NSD1: variants seen among roughly 807,000 people sequenced by gnomAD.
NSD1 encodes histone-lysine N-methyltransferase, H3 lysine-36 specific.
Under a neutral mutation model 242.7 loss-of-function variants are expected in NSD1, and 26 were observed. The ratio of observed to expected loss-of-function variants is 0.11; its 90% CI spans 0.08 to 0.15. The LOEUF is 0.15. NSD1 is among the 10% of genes least tolerant of loss of function. The pLI, the probability that NSD1 is intolerant of heterozygous loss-of-function variation, is 1.00. For synonymous variants in NSD1, 1,106 were observed against 1,178.1 expected (o/e 0.94, Z 1.25); for missense variants, 2,495 against 3,272.8 (o/e 0.76, Z 5.80).
chr5:177,212,053 GACA>G lies in NSD1; in HGVS notation c.3655_3657del (p.Thr1219del). ...CAGCAAGCATACTTGAGGAACCACTGACAGAGCAAAATCATGCTGACTGCTTAG... is the reference window on the plus strand; with the variant it reads ...CAGCAAGCATACTTGAGGAACCACTGGAGCAAAATCATGCTGACTGCTTAG... On this transcript the variant is annotated inframe_deletion, in exon 5 of 23. Coordinates refer to ENST00000439151, the MANE Select transcript of NSD1 (RefSeq NM_022455.5). 1 of 1,614,108 alleles carries G rather than the reference GACA, an allele frequency of 6.2e-7. No individual in the cohort carries two copies.
At chr5:177,235,730 G>T (rs1033465894) in intron 5 of NSD1, 91 bp from the exon 6 acceptor site, 3 of 1,532,938 alleles carry the variant, frequency 2.0e-6, no homozygotes, top group Non-Finnish European at 2.7e-6. Flanking sequence ...TTCCCATCTG[G>T]TTACTTTTGG....
At chr5:177,142,884 C>T (rs1362857639) in intron 2 of NSD1, among the ~76,000 whole-genome samples, 3 of 152,112 alleles carry the variant, frequency 2.0e-5, no homozygotes, top group Non-Finnish European at 4.4e-5. Flanking sequence ...GGATCCTGTC[C>T]TGACCTTTCC....
At position 177,210,470 on chromosome 5, in the gene NSD1, G is replaced by A. The variant is rs28932177; in HGVS notation, c.2071G>A (p.Ala691Thr). 39,774 of 1,614,110 alleles carry A rather than the reference G, an allele frequency of 0.025. 608 individuals carry two copies. Among genetic ancestry groups the A allele is most frequent in the Middle Eastern group, 0.033 (199 of 6,062 alleles). ...NEKIKYSRFA[A>T]TNTRVKAKQK... ...AAAGATAAAGTATTCTAGGTTTGCT[G>A]CCACAAACACTAGGGTAAAAGCAAA... The change falls in exon 5 of 23, where the codon GCC becomes ACC. Residue 691 changes from alanine to threonine, a missense_variant. Transcript: ENST00000439151.
chr5:177,264,462 T>G (rs1757254380), intron 14 of NSD1, among the ~76,000 whole-genome samples: 1 of 152,226 alleles, frequency 6.6e-6, no homozygotes, highest in Non-Finnish European at 1.5e-5. Context: ...AATATATCTC[T>G]GAGAGGCCAT....
chr5:177,299,549 A>G lies in NSD1; in HGVS notation c.*4090A>G, dbSNP rs1191731374. 3 of 233,162 alleles carry G rather than the reference A, an allele frequency of 1.3e-5. No homozygotes were observed. The highest frequency in any genetic ancestry group is 5.6e-5 in the Admixed American group (1 of 17,780). 14.4% of individuals were successfully genotyped at this position (233,162 alleles called of 1,614,324 possible). A position where few individuals can be genotyped will look rare whatever the true frequency, so the allele number is the denominator to read the frequency against. Reference sequence around the variant, plus strand: ...CTGCCCCTCTCTACCTCTTCCACTCATGGAAGCCCCTCTACTGCTTATGAA... The same window carrying G: ...CTGCCCCTCTCTACCTCTTCCACTCGTGGAAGCCCCTCTACTGCTTATGAA... On this transcript the variant is annotated 3_prime_UTR_variant, in exon 23 of 23. Coordinates refer to ENST00000439151, the MANE Select transcript of NSD1 (RefSeq NM_022455.5).
intron 5 of NSD1, among the ~76,000 whole-genome samples, chr5:177,233,154 A>G (rs1765184403): frequency 6.6e-6 from 1 of 152,136 alleles, no homozygotes; most frequent in South Asian, 2.1e-4. Flanking sequence ...GGCTCACAGT[A>G]GCCTTGATCT....
At position 177,269,229 on chromosome 5, in the gene NSD1, C is replaced by G. The variant is rs1376674566; in HGVS notation, c.5304-373C>G. On this transcript the variant is annotated intron_variant, in intron 15 of 22. Coordinates refer to ENST00000439151, the MANE Select transcript of NSD1 (RefSeq NM_022455.5). The surrounding 1 kb of genome is among the most constrained non-coding windows in gnomAD (Gnocchi z 5.1). ...ATTGTATTTTATTTTGTATAGTGTACCATGGATAATACTATTATTTTCTTG... is the reference window on the plus strand; with the variant it reads ...ATTGTATTTTATTTTGTATAGTGTAGCATGGATAATACTATTATTTTCTTG... 6.6e-6 allele frequency among the ~76,000 whole-genome samples: 1 copy of G among 152,036 alleles called. No individual in the cohort carries two copies. Among genetic ancestry groups the G allele is most frequent in the Non-Finnish European group, 1.5e-5 (1 of 68,006 alleles).
intron 2 of NSD1, among the ~76,000 whole-genome samples, chr5:177,163,713 A>G (rs1758943934): frequency 6.6e-6 from 1 of 152,162 alleles, no homozygotes; most frequent in Admixed American, 6.6e-5. Context: ...CTAAGCACCT[A>G]ATAAGTATTA....
chr5:177,278,909 T>C (rs1030631358), intron 17 of NSD1, among the ~76,000 whole-genome samples: 12 of 152,338 alleles, frequency 7.9e-5, no homozygotes, highest in South Asian at 2.1e-4. Context: ...TTGTTGCTAG[T>C]ATTTGTTAAA....
intron 2 of NSD1, among the ~76,000 whole-genome samples, chr5:177,170,735 T>A (rs1226651116): frequency 6.6e-6 from 1 of 152,206 alleles, no homozygotes; most frequent in Non-Finnish European, 1.5e-5. Context: ...GCATTACATG[T>A]ATTCACAGTG....
Position 177,211,577 on chromosome 5 carries a change from C to T in NSD1, c.3178C>T (p.Pro1060Ser), listed in dbSNP as rs188847458. The T allele has an allele frequency of 3.7e-5, 59 of 1,614,074 alleles. No homozygotes were observed. The highest frequency in any genetic ancestry group is 4.1e-5 in the Non-Finnish European group (48 of 1,180,030). The change falls in exon 5 of 23, where the codon CCA becomes TCA. Residue 1060 changes from proline to serine, a missense_variant. This residue lies in a region of NSD1 where 426 missense variants were observed against 411.4 expected (regional missense o/e 1.04). Coordinates refer to ENST00000439151, the MANE Select transcript of NSD1 (RefSeq NM_022455.5). ...TERKRKLNQL[P>S]SVTLDAVLQG... ...GCGCAAAAGAAAACTGAATCAGCTTCCAAGTGTGACTCTTGATGCTGTACT... is the reference window on the plus strand; with the variant it reads ...GCGCAAAAGAAAACTGAATCAGCTTTCAAGTGTGACTCTTGATGCTGTACT...
intron 5 of NSD1, among the ~76,000 whole-genome samples, chr5:177,227,736 G>A (rs375421434): frequency 2.0e-5 from 3 of 151,988 alleles, no homozygotes; most frequent in African/African-American, 7.3e-5. Flanking sequence ...CCATACACCC[G>A]GCCTAAATAT....
intron 2 of NSD1, among the ~76,000 whole-genome samples, chr5:177,155,016 A>G (rs540772297): frequency 7.0e-6 from 1 of 142,258 alleles, no homozygotes; most frequent in East Asian, 2.1e-4. Flanking sequence ...TTTGAGTCAG[A>G]GTCTTGTTCT....
At chr5:177,242,514 A>ATTAT (rs10605953) in intron 8 of NSD1, among the ~76,000 whole-genome samples, 2,773 of 145,546 alleles carry the variant, frequency 0.019, 102 homozygotes, top group East Asian at 0.15. Context: ...AATGGCCTTT[A>ATTAT]TTATTTATTT....
Position 177,211,817 on chromosome 5 carries a change from G to C in NSD1, c.3418G>C (p.Val1140Leu). 1 of 1,614,196 alleles carries C rather than the reference G, an allele frequency of 6.2e-7. No individual in the cohort carries two copies. The highest frequency in any genetic ancestry group is 8.5e-7 in the Non-Finnish European group (1 of 1,180,040). The change falls in exon 5 of 23, where the codon GTA becomes CTA. Residue 1140 changes from valine to leucine, a missense_variant. Around this residue, in one of 19 missense-constraint regions of NSD1, gnomAD observed 426 missense variants for 411.4 expected, o/e 1.04. Coordinates refer to ENST00000439151, the MANE Select transcript of NSD1 (RefSeq NM_022455.5). ...CGGAAAAGGCCCAGAGCTGGACTCTGTAATGAACAGTGAGAATGATGAACT... is the reference window on the plus strand; with the variant it reads ...CGGAAAAGGCCCAGAGCTGGACTCTCTAATGAACAGTGAGAATGATGAACT... Reference protein sequence around the residue: ...ENGKGPELDSVMNSENDELNG... With the variant: ...ENGKGPELDSLMNSENDELNG...
chr5:177,187,048 T>C (rs1761290221), intron 2 of NSD1, among the ~76,000 whole-genome samples: 1 of 152,110 alleles, frequency 6.6e-6, no homozygotes, highest in African/African-American at 2.4e-5. Flanking sequence ...ACATGGTCTT[T>C]AGAGTTATTC....
chr5:177,276,828 A>G (rs1028442261), intron 17 of NSD1, among the ~76,000 whole-genome samples: 15 of 152,226 alleles, frequency 9.9e-5, no homozygotes, highest in Non-Finnish European at 1.8e-4. Context: ...TTAAAAAAAG[A>G]ACAAAACGAA....
At chr5:177,204,073 A>G (rs1173743567) in intron 3 of NSD1, 47 bp from the exon 4 acceptor site, 1 of 1,558,136 alleles carries the variant, frequency 6.4e-7, no homozygotes, top group East Asian at 2.2e-5. Context: ...AATGATGAGA[A>G]GTAATTTCTT....
chr5:177,158,999 T>TATATATATATATATGAATG lies in NSD1; in HGVS notation c.927+22983_927+22984insGAATGATATATATATATAT, dbSNP rs1491275090. Among the ~76,000 whole-genome samples the TATATATATATATATGAATG allele has an allele frequency of 1.3e-3, 17 of 13,048 alleles. 1 individual carries two copies. The highest frequency in any genetic ancestry group is 4.8e-3 in the African/African-American group (17 of 3,578). 8.6% of individuals were successfully genotyped at this position (13,048 alleles called of 152,430 possible). ...ATACACACATATATATGAATGATTT[T>TATATATATATATATGAATG]ATATATATATATATATATATATATA... On this transcript the variant is annotated intron_variant, in intron 2 of 22. Transcript: ENST00000439151.
Sources: gnomAD v4.1 joint callset for allele counts (sites outside exome capture counted in the v4.1 genomes callset) on GRCh38, gnomAD v4.1.1 for gene constraint, gnomAD v4.1.1 regional missense constraint, Gnocchi (gnomAD v3.1) non-coding constraint, MANE v1.5 for transcripts, NCBI Gene and HGNC (gene_info 2026-07-23, HGNC 2026-07-21) for gene names.